The following RSRC1 variants were observed in gnomAD, a reference collection of about 807,000 sequenced individuals.
The protein encoded by RSRC1 is arginine and serine rich coiled-coil 1.
A neutral mutation model predicts 49.1 loss-of-function variants in RSRC1; 39 were observed. That is an observed-to-expected ratio of 0.79 (90% confidence interval 0.61 to 1.04). RSRC1 has a LOEUF of 1.04. Among genes scored for constraint, RSRC1 ranks in the 50% least tolerant of loss-of-function variants. The pLI is 0.00. For missense variants in RSRC1, 388 were observed against 402.4 expected (o/e 0.96, Z 0.31); for synonymous variants, 143 against 130.8 (o/e 1.09, Z -0.63).
rs117815475 is a variant in RSRC1 at position 158,113,102 on chromosome 3, C to T, written c.-3+2879C>T. On this transcript the variant is annotated intron_variant, in intron 1 of 9. Transcript: ENST00000611884. ...CTATTGTGAATAATGCTGCAGTGAA[C>T]ATAAACGTGCATGTGTCTTTATAAC... Among the ~76,000 whole-genome samples the T allele has an allele frequency of 2.0e-4, 28 of 137,974 alleles. No homozygotes were observed. The East Asian group carries it at 4.0e-3, about 20-fold the overall frequency. 90.5% of individuals were successfully genotyped at this position (137,974 alleles called of 152,430 possible).
intron 4 of RSRC1, among the ~76,000 whole-genome samples, chr3:158,269,210 G>C (rs149851895): frequency 3.2e-4 from 49 of 151,798 alleles, no homozygotes; most frequent in African/African-American, 1.1e-3. Context: ...TTGGTTTTTA[G>C]GACCTCTTCA....
At chr3:158,325,374 A>G (rs1281292010) in intron 5 of RSRC1, among the ~76,000 whole-genome samples, 1 of 152,218 alleles carries the variant, frequency 6.6e-6, no homozygotes, top group African/African-American at 2.4e-5. Flanking sequence ...CTAAGATTTA[A>G]GTCTTTAATC....
chr3:158,127,155 A>C (rs1317679778), intron 3 of RSRC1, among the ~76,000 whole-genome samples: 1 of 152,068 alleles, frequency 6.6e-6, no homozygotes, highest in Admixed American at 6.6e-5. Flanking sequence ...TGAACTTCTT[A>C]AATTTGGGTG....
intron 1 of RSRC1, among the ~76,000 whole-genome samples, chr3:158,116,990 G>A (rs1714876950): frequency 6.6e-6 from 1 of 152,122 alleles, no homozygotes; most frequent in Admixed American, 6.5e-5. Context: ...AAAGGGGAGA[G>A]TGTGGGGTAT....
intron 1 of RSRC1, among the ~76,000 whole-genome samples, chr3:158,121,120 T>C (rs1715229732): frequency 6.6e-6 from 1 of 151,950 alleles, no homozygotes; most frequent in Admixed American, 6.5e-5. Flanking sequence ...TATGTACATA[T>C]TTTCTTAAAT....
intron 7 of RSRC1, among the ~76,000 whole-genome samples, chr3:158,520,206 A>C (rs1711580504): frequency 6.6e-6 from 1 of 152,142 alleles, no homozygotes; most frequent in African/African-American, 2.4e-5. Context: ...GGCCCATTCT[A>C]TTTTGTAGCA....
intron 7 of RSRC1, among the ~76,000 whole-genome samples, chr3:158,515,102 A>G (rs1277292569): frequency 1.3e-5 from 2 of 148,550 alleles, no homozygotes; most frequent in African/African-American, 5.0e-5. Context: ...TAATTGGAGC[A>G]TTTAGTCCAT....
chr3:158,415,952 G>A (rs1237100841), intron 6 of RSRC1, among the ~76,000 whole-genome samples: 1 of 151,862 alleles, frequency 6.6e-6, no homozygotes, highest in Non-Finnish European at 1.5e-5. Context: ...TTTCAGCTGT[G>A]ATAATATCTA....
At chr3:158,253,085 C>A (rs1443906806) in intron 4 of RSRC1, among the ~76,000 whole-genome samples, 1 of 150,790 alleles carries the variant, frequency 6.6e-6, no homozygotes, top group Non-Finnish European at 1.5e-5. Flanking sequence ...TCATTTATTT[C>A]TTCTCTAATC....
At chr3:158,157,401 T>G (rs1263116727) in intron 3 of RSRC1, among the ~76,000 whole-genome samples, 1 of 152,180 alleles carries the variant, frequency 6.6e-6, no homozygotes, top group Admixed American at 6.5e-5. Context: ...GGAACTAGGA[T>G]TTTTGAAGAG....
At chr3:158,403,931 A>G (rs1203765503) in intron 6 of RSRC1, among the ~76,000 whole-genome samples, 4 of 151,870 alleles carry the variant, frequency 2.6e-5, no homozygotes, top group Admixed American at 2.6e-4. Flanking sequence ...GAGCTTCTCA[A>G]AATTCCACTT....
At chr3:158,189,920 G>T (rs970546382) in intron 3 of RSRC1, among the ~76,000 whole-genome samples, 10 of 151,328 alleles carry the variant, frequency 6.6e-5, no homozygotes, top group Non-Finnish European at 1.5e-4. Context: ...AGAATTTGTT[G>T]CATGGTCTTG....
chr3:158,213,918 C>G (rs1332821597), intron 4 of RSRC1, among the ~76,000 whole-genome samples: 3 of 151,846 alleles, frequency 2.0e-5, no homozygotes, highest in Non-Finnish European at 4.4e-5. Context: ...ATTCAAAGCT[C>G]TCTAGGCAAA....
At chr3:158,338,901 G>A (rs1160735887) in intron 5 of RSRC1, among the ~76,000 whole-genome samples, 1 of 152,156 alleles carries the variant, frequency 6.6e-6, no homozygotes, top group Admixed American at 6.5e-5. Context: ...TGTTAGGAAT[G>A]TTGTGAGAAT....
intron 5 of RSRC1, among the ~76,000 whole-genome samples, chr3:158,337,864 G>C (rs932531933): frequency 3.9e-5 from 6 of 152,118 alleles, no homozygotes; most frequent in Non-Finnish European, 7.3e-5. Context: ...AATAGCTAAC[G>C]CTTTACTGAG....
At chr3:158,146,045 T>G (rs1717087821) in intron 3 of RSRC1, among the ~76,000 whole-genome samples, 1 of 152,178 alleles carries the variant, frequency 6.6e-6, no homozygotes, top group Admixed American at 6.5e-5. Context: ...ATGATGGGGT[T>G]TTCTGGATAT....
intron 6 of RSRC1, among the ~76,000 whole-genome samples, chr3:158,367,925 T>C (rs2108262759): frequency 6.6e-6 from 1 of 152,304 alleles, no homozygotes; most frequent in South Asian, 2.1e-4. Context: ...AATTGGTGTG[T>C]CCTAAAGAGA....
chr3:158,292,399 A>G (rs926654430), intron 4 of RSRC1, among the ~76,000 whole-genome samples: 2 of 152,202 alleles, frequency 1.3e-5, no homozygotes, highest in Non-Finnish European at 2.9e-5. Context: ...TGGTTCCCAG[A>G]AGATTTAAGA....
In RSRC1 at chr3:158,207,664, G is replaced by GATAGATAGATAGATAGATAGATAGATAA. The variant is rs1256510424; in HGVS notation, c.494+4420_494+4421insTAGATAGATAGATAGATAGATAGATAAA. Among the ~76,000 whole-genome samples, 6 of 152,070 alleles carry GATAGATAGATAGATAGATAGATAGATAA rather than the reference G, an allele frequency of 3.9e-5. No individual in the cohort carries two copies. In the Middle Eastern group the frequency reaches 0.01, roughly 259 times the overall value. On this transcript the variant is annotated intron_variant, in intron 4 of 9. Transcript: ENST00000611884. The stretch of plus-strand genomic sequence containing the variant: ...AGATAGATAGATAGATAGATAGATA[G>GATAGATAGATAGATAGATAGATAGATAA]ACAGAGAGACAGACAGACAGACAGG...
Sources: gnomAD v4.1 joint callset for allele counts (sites outside exome capture counted in the v4.1 genomes callset) on GRCh38, gnomAD v4.1.1 for gene constraint, MANE v1.5 for transcripts, NCBI Gene and HGNC (gene_info 2026-07-23, HGNC 2026-07-21) for gene names.